The following FRMPD4 variants were observed in gnomAD, a reference collection of about 807,000 sequenced individuals.
The protein encoded by FRMPD4 is FERM and PDZ domain containing 4, also known as FERM and PDZ domain-containing protein 4.
A neutral mutation model predicts 94.1 loss-of-function variants in FRMPD4; 22 were observed. That is an observed-to-expected ratio of 0.23 (90% confidence interval 0.17 to 0.33). The LOEUF (loss-of-function observed/expected upper bound fraction) is 0.33, where lower values mean the gene tolerates loss of function less well. Ranked by LOEUF, FRMPD4 falls within the 10% of genes least tolerant of loss-of-function variation. The pLI is 1.00. For missense variants in FRMPD4, 1,111 were observed against 1,339.9 expected (o/e 0.83, Z 2.67); for synonymous variants, 631 against 548.6 (o/e 1.15, Z -2.10).
intron 3 of FRMPD4, among the ~76,000 whole-genome samples, chrX:11,886,221 A>G (rs1432222913): frequency 3.6e-5 from 4 of 111,714 alleles, no homozygotes; most frequent in Non-Finnish European, 7.5e-5. Flanking sequence ...TGTACTACCT[A>G]TTCATAATTT....
intron 3 of FRMPD4, among the ~76,000 whole-genome samples, chrX:12,073,321 C>A (rs376157932): frequency 8.9e-6 from 1 of 111,852 alleles, no homozygotes; most frequent in African/African-American, 3.2e-5. Context: ...GCCTCTGTCA[C>A]AACTATTGAA....
At chrX:11,993,568 T>TACAAAA (rs1032271127) in intron 3 of FRMPD4, among the ~76,000 whole-genome samples, 2 of 111,797 alleles carry the variant, frequency 1.8e-5, no homozygotes, top group South Asian at 3.7e-4. Flanking sequence ...AAATAGAGAG[T>TACAAAA]ACAAAAACAA....
chrX:12,104,223 C>A (rs1292728598), intron 3 of FRMPD4, among the ~76,000 whole-genome samples: 1 of 112,713 alleles, frequency 8.9e-6, no homozygotes, highest in Non-Finnish European at 1.9e-5. Context: ...CTTCTCAATA[C>A]TGTTATAATG....
At chrX:12,182,506 A>G (rs1162352579) in intron 1 of FRMPD4, among the ~76,000 whole-genome samples, 1 of 110,694 alleles carries the variant, frequency 9.0e-6, no homozygotes, top group Non-Finnish European at 1.9e-5. Flanking sequence ...ACCTAGTTAC[A>G]TTTCTCAGTC....
In FRMPD4 at chrX:12,724,144, G is replaced by A. The variant is rs763426218; in HGVS notation, c.*2286G>A. 2.4e-4 allele frequency: 27 copies of A among 111,880 alleles called. No homozygotes were observed. The highest frequency in any genetic ancestry group is 4.0e-4 in the Non-Finnish European group (21 of 53,151). The allele number at this position is 111,880 out of a possible 1,213,427, so 9.2% of individuals were successfully genotyped here. On this transcript the variant is annotated 3_prime_UTR_variant, in exon 17 of 17. Coordinates refer to ENST00000675598, the MANE Select transcript of FRMPD4 (RefSeq NM_001368397.1). ...TGTATTGCATATATGTAAAAGAAGT[G>A]TACAAGGAAGTGGCCATCCTTGTTC... is the stretch of plus-strand genomic sequence containing the variant.
At chrX:12,666,983 C>T (rs1353920114) in intron 4 of FRMPD4, among the ~76,000 whole-genome samples, 1 of 112,212 alleles carries the variant, frequency 8.9e-6, no homozygotes, top group Admixed American at 9.4e-5. Flanking sequence ...AATAAAGAAT[C>T]CTATGTGTGC....
At chrX:12,413,590 T>C (rs1338942720) in intron 1 of FRMPD4, among the ~76,000 whole-genome samples, 1 of 112,286 alleles carries the variant, frequency 8.9e-6, no homozygotes. Context: ...AAGTAAATGC[T>C]ACAGGAGCTA....
At chrX:12,686,923 C>T (rs1602323488) in intron 7 of FRMPD4, among the ~76,000 whole-genome samples, 5 of 111,988 alleles carry the variant, frequency 4.5e-5, no homozygotes, top group Middle Eastern at 4.6e-3. Context: ...CTCCCTAATG[C>T]TTCATCAGCC....
chrX:12,196,447 G>A (rs891911178), intron 1 of FRMPD4, among the ~76,000 whole-genome samples: 1 of 110,080 alleles, frequency 9.1e-6, no homozygotes, highest in Non-Finnish European at 1.9e-5. Flanking sequence ...GAATATGACT[G>A]TTTACCCACC....
intron 3 of FRMPD4, among the ~76,000 whole-genome samples, chrX:11,981,301 A>G (rs951706651): frequency 8.0e-5 from 9 of 111,955 alleles, no homozygotes; most frequent in Non-Finnish European, 1.5e-4. Context: ...GAGAGGTAAT[A>G]TTAATATCTC....
At chrX:11,955,328 T>G (rs1181636014) in intron 3 of FRMPD4, among the ~76,000 whole-genome samples, 3 of 110,448 alleles carry the variant, frequency 2.7e-5, no homozygotes, top group Non-Finnish European at 5.7e-5. Context: ...AGGAAGACAT[T>G]AAGAATCAGC....
chrX:12,091,469 AT>A (rs761777982), intron 3 of FRMPD4, among the ~76,000 whole-genome samples: 1 of 112,558 alleles, frequency 8.9e-6, no homozygotes, highest in Admixed American at 9.4e-5. Flanking sequence ...ATAAAATCTT[AT>A]TTTACATAAA....
rs1184641153 is a variant in FRMPD4 at position 12,723,183 on chromosome X, T to G, written c.*1325T>G. The G allele has an allele frequency of 9.0e-6, 1 of 111,370 alleles. No individual in the cohort carries two copies. 9.2% of individuals were successfully genotyped at this position (111,370 alleles called of 1,213,427 possible). ...ACCAGTTCAAGTGAAACCAATGGAA[T>G]GCAAAGAACTTTCCAGGACTGTCAC... On this transcript the variant is annotated 3_prime_UTR_variant, in exon 17 of 17. Transcript: ENST00000675598.
intron 1 of FRMPD4, among the ~76,000 whole-genome samples, chrX:12,382,495 GCAT>G (rs1349927708): frequency 1.3e-5 from 1 of 79,251 alleles, no homozygotes; most frequent in Admixed American, 1.4e-4. Context: ...GCATAGCATA[GCAT>G]AGCATAGCAT....
chrX:11,978,973 TA>T (rs2054383136), intron 3 of FRMPD4, among the ~76,000 whole-genome samples: 1 of 111,424 alleles, frequency 9.0e-6, no homozygotes, highest in Non-Finnish European at 1.9e-5. Context: ...TTACTACCTT[TA>T]AAAATTAATT....
intron 1 of FRMPD4, among the ~76,000 whole-genome samples, chrX:12,209,105 T>C (rs77575708): frequency 0.034 from 3,805 of 111,849 alleles, 75 homozygotes; most frequent in Non-Finnish European, 0.053. Context: ...TGAAGTATCA[T>C]TTTTTTCAGT....
At chrX:12,583,438 G>A (rs2058889348) in intron 2 of FRMPD4, 8 of 1,199,941 alleles carry the variant, frequency 6.7e-6, no homozygotes, top group East Asian at 3.0e-5. Context: ...CAGCAGCCGC[G>A]TCTGGACCTG....
chrX:12,294,485 C>CACACACACACACAGAGAG (rs34874624), intron 1 of FRMPD4, among the ~76,000 whole-genome samples: 4 of 92,098 alleles, frequency 4.3e-5, no homozygotes, highest in African/African-American at 1.6e-4. Context: ...CACACACACA[C>CACACACACACACAGAGAG]AGAGAGAGAG....
chrX:12,658,557 T>A (rs1322257208), intron 4 of FRMPD4, among the ~76,000 whole-genome samples: 1 of 112,252 alleles, frequency 8.9e-6, no homozygotes, highest in African/African-American at 3.2e-5. Flanking sequence ...CCCTGTCATT[T>A]GTTCTAAACC....
Sources: gnomAD v4.1 joint callset for allele counts (sites outside exome capture counted in the v4.1 genomes callset) on GRCh38, gnomAD v4.1.1 for gene constraint, MANE v1.5 for transcripts, NCBI Gene and HGNC (gene_info 2026-07-23, HGNC 2026-07-21) for gene names.